The following METAP1 variants were observed in gnomAD, a reference collection of about 807,000 sequenced individuals.
METAP1 encodes methionine aminopeptidase 1.
METAP1 carries 28 observed loss-of-function variants against 53.8 expected under a neutral mutation model. That is an observed-to-expected ratio of 0.52 (90% CI 0.39 to 0.71). The LOEUF is 0.71. Among genes scored for constraint, METAP1 ranks in the 30% least tolerant of loss-of-function variants. METAP1 has a pLI of 0.00. For missense variants in METAP1, 389 were observed against 479.8 expected, an observed-to-expected ratio of 0.81 and a Z score of 1.77; for synonymous variants, 181 against 165.7, an observed-to-expected ratio of 1.09 and a Z score of -0.71.
chr4:99,055,521 T>G (rs886908381), intron 9 of METAP1, among the ~76,000 whole-genome samples: 7 of 152,230 alleles, frequency 4.6e-5, no homozygotes, highest in Admixed American at 4.6e-4. Flanking sequence ...CAGGTACAAA[T>G]TTTTTAAAAA....
chr4:99,008,108 T>A (rs1723268887), intron 1 of METAP1, among the ~76,000 whole-genome samples: 1 of 152,196 alleles, frequency 6.6e-6, no homozygotes, highest in South Asian at 2.1e-4. Flanking sequence ...AAAGACAGGC[T>A]TTGAAACGCC....
At chr4:99,058,478 A>G (rs1170880326) in intron 10 of METAP1, among the ~76,000 whole-genome samples, 5 of 152,108 alleles carry the variant, frequency 3.3e-5, no homozygotes, top group Non-Finnish European at 5.9e-5. Context: ...CATCTCTTCC[A>G]GACAGGCTTG....
rs1010557579 is a variant in METAP1, at chr4:99,025,318, T to A, written c.115-3549T>A. On this transcript the variant is annotated intron_variant, in intron 1 of 10. Transcript: ENST00000296411. ...TAGAAGCAAGACAGAGTTGGTTAGG[T>A]CAGATCTCTTTCACTGTTTGAGTTA... 3.2e-6 allele frequency: 3 copies of A among 948,500 alleles called. No homozygotes were observed. The East Asian group carries it at 3.5e-4, about 110-fold the overall frequency. The allele number at this position is 948,500 out of a possible 1,614,324, so 58.8% of individuals were successfully genotyped here. A position where few individuals can be genotyped will look rare whatever the true frequency, so the allele number is the denominator to read the frequency against.
intron 8 of METAP1, 32 bp from the exon 9 acceptor site, chr4:99,048,701 A>G (rs903540466): frequency 2.5e-6 from 4 of 1,605,490 alleles, no homozygotes; most frequent in Non-Finnish European, 3.4e-6. Flanking sequence ...ATTAGTTATT[A>G]GTTTATCATG....
chr4:99,055,722 C>G (rs2110424613), intron 9 of METAP1, among the ~76,000 whole-genome samples: 1 of 152,324 alleles, frequency 6.6e-6, no homozygotes, highest in Middle Eastern at 3.4e-3. Context: ...TTTTCAAGTA[C>G]TTTCTAGCTA....
At chr4:99,035,113 G>T (rs1160718373) in intron 3 of METAP1, among the ~76,000 whole-genome samples, 1 of 152,096 alleles carries the variant, frequency 6.6e-6, no homozygotes, top group Non-Finnish European at 1.5e-5. Flanking sequence ...TCATTTTATT[G>T]TTGTTAGCTT....
intron 1 of METAP1, chr4:99,026,556 T>G (rs1261086287): frequency 1.0e-6 from 1 of 985,292 alleles, no homozygotes; most frequent in Admixed American, 6.1e-5. Flanking sequence ...CCTGGGGACC[T>G]CTAAATCTAG....
At chr4:99,046,632 T>G (rs1230209) in intron 8 of METAP1, among the ~76,000 whole-genome samples, 26,237 of 152,046 alleles carry the variant, frequency 0.17, 3,515 homozygotes, top group East Asian at 0.79. Context: ...CTAATAATGT[T>G]GATCCAGTAT....
chr4:99,043,294 A>G lies in METAP1; in HGVS notation c.562A>G (p.Asn188Asp). ...CTACCCTTCTCCCCTGAATTATTAT[A>G]ATTTCCCAAAGTCTTGTTGTACCTC... ...NCYPSPLNYY[N>D]FPKSCCTSVN... is the part of the protein sequence containing the mutation. Residue 188 changes from asparagine (N) to aspartate (D), a missense_variant, in exon 7 of 11, where the codon AAT (asparagine) becomes GAT (aspartate). Physicochemically the swap from Asn to Asp is conservative, Grantham distance 23. Coordinates refer to ENST00000296411, the MANE Select transcript of METAP1 (RefSeq NM_015143.3). 6.2e-7 allele frequency: 1 copy of G among 1,605,672 alleles called. No individual in the cohort carries two copies. The highest frequency in any genetic ancestry group is 8.5e-7 in the Non-Finnish European group (1 of 1,174,226).
chr4:99,011,541 G>T (rs1230175), intron 1 of METAP1, among the ~76,000 whole-genome samples: 26,215 of 152,132 alleles, frequency 0.17, 3,523 homozygotes, highest in East Asian at 0.8. Context: ...GTGTGCTATT[G>T]AATTTATTTG....
At chr4:99,022,935 G>C (rs1339868185) in intron 1 of METAP1, 2 of 1,499,284 alleles carry the variant, frequency 1.3e-6, no homozygotes, top group Non-Finnish European at 1.8e-6. Flanking sequence ...CATAGGCACT[G>C]AGAAGGTTGC....
At chr4:99,018,418 T>C (rs1723902640) in intron 1 of METAP1, among the ~76,000 whole-genome samples, 1 of 152,210 alleles carries the variant, frequency 6.6e-6, no homozygotes, top group Non-Finnish European at 1.5e-5. Context: ...GTGTCTGTCT[T>C]TCTAATAATC....
At chr4:99,018,289 G>A (rs1447136399) in intron 1 of METAP1, among the ~76,000 whole-genome samples, 1 of 152,160 alleles carries the variant, frequency 6.6e-6, no homozygotes, top group Non-Finnish European at 1.5e-5. Context: ...TTGGAGACCC[G>A]CAGTCCCTTA....
At position 99,057,834 on chromosome 4, in the gene METAP1, G is replaced by A. The variant is rs199642394; in HGVS notation, c.997+16G>A. ...ATTTGTGAAGGTGAGAAAAAAGGATGCCATGATATTTTTCAATTGAATTTA... is the reference window on the plus strand; with the variant it reads ...ATTTGTGAAGGTGAGAAAAAAGGATACCATGATATTTTTCAATTGAATTTA... On this transcript the variant is annotated intron_variant, in intron 10 of 10. Transcript: ENST00000296411. 2.2e-3 allele frequency: 3,388 copies of A among 1,573,844 alleles called. 10 individuals are homozygous for A. The highest frequency in any genetic ancestry group is 2.5e-3 in the Non-Finnish European group (2,848 of 1,157,014).
At chr4:99,040,617 A>G (rs1173690362) in intron 5 of METAP1, among the ~76,000 whole-genome samples, 1 of 149,772 alleles carries the variant, frequency 6.7e-6, no homozygotes, top group Non-Finnish European at 1.5e-5. Context: ...CAGCCTCCTG[A>G]GTAGCTGGGA....
chr4:99,053,548 C>T (rs1726883896), intron 9 of METAP1, among the ~76,000 whole-genome samples: 1 of 152,222 alleles, frequency 6.6e-6, no homozygotes, highest in Non-Finnish European at 1.5e-5. Context: ...CCACCACACC[C>T]AGCCTACAAA....
At chr4:99,005,671 A>G in intron 1 of METAP1, 1 of 293,122 alleles carries the variant, frequency 3.4e-6, no homozygotes, top group South Asian at 2.9e-5. Context: ...GAACCAACCT[A>G]AGTGTCAGCT....
intron 1 of METAP1, among the ~76,000 whole-genome samples, chr4:99,005,264 A>G (rs2110278899): frequency 6.6e-6 from 1 of 152,346 alleles, no homozygotes; most frequent in East Asian, 1.9e-4. Flanking sequence ...CAGAATCTAC[A>G]AGGAACTCAA....
At chr4:99,054,420 T>G (rs1355157319) in intron 9 of METAP1, among the ~76,000 whole-genome samples, 1 of 152,210 alleles carries the variant, frequency 6.6e-6, no homozygotes, top group African/African-American at 2.4e-5. Flanking sequence ...AGTTAGTGCC[T>G]TGCTCTGGAT....
Sources: gnomAD v4.1 joint callset for allele counts (sites outside exome capture counted in the v4.1 genomes callset) on GRCh38, gnomAD v4.1.1 for gene constraint, MANE v1.5 for transcripts, NCBI Gene and HGNC (gene_info 2026-07-23, HGNC 2026-07-21) for gene names.